CLIC1: variants seen among roughly 807,000 people sequenced by gnomAD.
The protein encoded by CLIC1 is CLIC family member 1, also known as chloride intracellular channel protein 1.
Under a neutral mutation model 26.4 loss-of-function variants are expected in CLIC1, and 16 were observed. The ratio of observed to expected loss-of-function variants is 0.61; its 90% CI spans 0.41 to 0.92. The LOEUF is 0.92. Among genes scored for constraint, CLIC1 ranks in the 40% least tolerant of loss-of-function variants. The probability of loss-of-function intolerance (pLI) is 0.00; values close to 1 mark genes in which losing one functional copy is unlikely to be tolerated. For missense variants in CLIC1, 225 were observed against 289.7 expected, an observed-to-expected ratio of 0.78 and a Z score of 1.62; for synonymous variants, 98 against 120.8, an observed-to-expected ratio of 0.81 and a Z score of 1.24.
chr6:31,736,695 C>T (rs1187187789), upstream of CLIC1: 44 of 1,059,124 alleles, frequency 4.2e-5, no homozygotes, highest in Non-Finnish European at 4.8e-5. This position sits in a 1 kb window ranked among gnomAD's most constrained non-coding sequence, Gnocchi z 5.0. Context: ...CTTGTTTCTC[C>T]GACCTCTCCT....
In CLIC1 at chr6:31,733,997, G is replaced by A. The variant is rs1039750980; in HGVS notation, c.150-36C>T. 2 of 1,605,912 alleles carry A rather than the reference G, an allele frequency of 1.2e-6. No individual in the cohort carries two copies. The highest frequency in any genetic ancestry group is 2.2e-5 in the South Asian group (2 of 90,964). On this transcript the variant is annotated intron_variant, in intron 2 of 5. Coordinates refer to ENST00000375784, the Ensembl canonical transcript of CLIC1. The surrounding 1 kb of genome is among the most constrained non-coding windows in gnomAD (Gnocchi z 5.4). ...GATCAGGAATCAGGACTGGAAATGG[G>A]GGTCAGGAAGAACCAGAAAGGGGGA...
At chr6:31,736,626 A>C (rs1333030903), upstream of CLIC1, 3 of 1,220,256 alleles carry the variant, frequency 2.5e-6, no homozygotes, top group Non-Finnish European at 3.1e-6. This position sits in a 1 kb window ranked among gnomAD's most constrained non-coding sequence, Gnocchi z 5.0. Context: ...CGGAAGGGGA[A>C]TCCTCGGATC....
At chr6:31,735,205 G>A (rs185019730) in intron 1 of CLIC1, among the ~76,000 whole-genome samples, 2 of 151,606 alleles carry the variant, frequency 1.3e-5, no homozygotes, top group East Asian at 1.9e-4. Context: ...GAAACAAAAG[G>A]GGGGAAGGGG....
At chr6:31,735,849 A>ACACACC (rs758789973) in intron 1 of CLIC1, among the ~76,000 whole-genome samples, 1 of 141,702 alleles carries the variant, frequency 7.1e-6, no homozygotes, top group Admixed American at 7.1e-5. Context: ...ACACACACAC[A>ACACACC]CCTCTCCTAC....
chr6:31,732,784 G>A lies in CLIC1; in HGVS notation c.383-386C>T, dbSNP rs2151316435. ...TCTCCAACTCCTAACCTCAGGTGGT[G>A]CGCTAGCCTCGGCCTCCCAAAGTGA... On this transcript the variant is annotated intron_variant, in intron 4 of 5. Coordinates refer to ENST00000375784, the Ensembl canonical transcript of CLIC1. This position sits in a 1 kb window ranked among gnomAD's most constrained non-coding sequence, Gnocchi z 5.0. Among the ~76,000 whole-genome samples the A allele has an allele frequency of 1.3e-5, 2 of 151,840 alleles. No homozygotes were observed. Among genetic ancestry groups the A allele is most frequent in the South Asian group, 4.2e-4 (2 of 4,788 alleles).
chr6:31,733,426 A>C lies in CLIC1; in HGVS notation c.382+140T>G. ...TGCAGGGAAATATAGAGGTAAAGCA[A>C]AAATGGGAAGCTGGGGGAAATTTAC... On this transcript the variant is annotated intron_variant, in intron 4 of 5. Coordinates refer to ENST00000375784, the Ensembl canonical transcript of CLIC1. The surrounding 1 kb of genome is among the most constrained non-coding windows in gnomAD (Gnocchi z 5.4). 1.5e-6 allele frequency: 1 copy of C among 653,550 alleles called. No homozygotes were observed. The highest frequency in any genetic ancestry group is 2.7e-6 in the Non-Finnish European group (1 of 367,884). The allele number at this position is 653,550 out of a possible 1,614,324, so 40.5% of individuals were successfully genotyped here.
At position 31,734,094 on chromosome 6, in the gene CLIC1, G is replaced by T. The variant is rs949599512; in HGVS notation, c.149+60C>A. On this transcript the variant is annotated intron_variant, in intron 2 of 5. Coordinates refer to ENST00000375784, the Ensembl canonical transcript of CLIC1. The surrounding 1 kb of genome is among the most constrained non-coding windows in gnomAD (Gnocchi z 5.3). ...TGTTCATGACAGAAGGACTCGGGTG[G>T]GTGTGTGTTTGCACACATGTGTACA... 4 of 1,575,214 alleles carry T rather than the reference G, an allele frequency of 2.5e-6. No homozygotes were observed. The highest frequency in any genetic ancestry group is 2.7e-5 in the African/African-American group (2 of 74,144).
Position 31,736,190 on chromosome 6 carries a change from AAGG to A in CLIC1, c.39+69_39+71del. 1 of 1,525,712 alleles carries A rather than the reference AAGG, an allele frequency of 6.6e-7. No homozygotes were observed. The highest frequency in any genetic ancestry group is 9.1e-7 in the Non-Finnish European group (1 of 1,100,942). 94.5% of individuals were successfully genotyped at this position (1,525,712 alleles called of 1,614,324 possible). ...CAAGGAGGGAAGGGATTGGGGAGTT[AAGG>A]CTGGACCGGGGGAAAGGTGAGAGTT... is the stretch of plus-strand genomic sequence containing the variant. On this transcript the variant is annotated intron_variant, in intron 1 of 5. Coordinates refer to ENST00000375784, the Ensembl canonical transcript of CLIC1. The surrounding 1 kb of genome is among the most constrained non-coding windows in gnomAD (Gnocchi z 5.0).
Position 31,736,535 on chromosome 6 carries a change from G to T in CLIC1, c.-235C>A. 7.3e-7 allele frequency: 1 copy of T among 1,366,914 alleles called. No individual in the cohort carries two copies. Among genetic ancestry groups the T allele is most frequent in the Non-Finnish European group, 9.4e-7 (1 of 1,058,884 alleles). 84.7% of individuals were successfully genotyped at this position (1,366,914 alleles called of 1,614,324 possible). The stretch of plus-strand genomic sequence containing the variant: ...CTCTCCCGGGCTGGATCAGAGAGCC[G>T]CTGACTCACCGACCGGCCCCGCCCT... On this transcript the variant is annotated 5_prime_UTR_variant, in exon 1 of 6. Transcript: ENST00000375784. This position sits in a 1 kb window ranked among gnomAD's most constrained non-coding sequence, Gnocchi z 5.0.
Position 31,736,173 on chromosome 6 carries a change from G to T in CLIC1, c.39+89C>A. 7.3e-7 allele frequency: 1 copy of T among 1,375,208 alleles called. No individual in the cohort carries two copies. The highest frequency in any genetic ancestry group is 1.0e-6 in the Non-Finnish European group (1 of 965,558). 85.2% of individuals were successfully genotyped at this position (1,375,208 alleles called of 1,614,324 possible). A position where few individuals can be genotyped will look rare whatever the true frequency, so the allele number is the denominator to read the frequency against. ...GGATTGGGGGTGGGAGTCAAGGAGG[G>T]AAGGGATTGGGGAGTTAAGGCTGGA... On this transcript the variant is annotated intron_variant, in intron 1 of 5. Coordinates refer to ENST00000375784, the Ensembl canonical transcript of CLIC1. The surrounding 1 kb of genome is among the most constrained non-coding windows in gnomAD (Gnocchi z 5.0).
At position 31,733,948 on chromosome 6, in the gene CLIC1, C is replaced by T; in HGVS notation, c.163G>A (p.Val55Met). Residue 55 changes from valine (V) to methionine (M), a missense_variant, in exon 3 of 6, where the codon GTG becomes ATG. Val to Met is a conservative substitution (Grantham distance 21). Transcript: ENST00000375784. This position sits in a 1 kb window ranked among gnomAD's most constrained non-coding sequence, Gnocchi z 5.4. ...TGCCCCCCTGGGCACAGCTTCTGCA[C>T]TGTCTCGGTCCGCCTGGAGAAAGGA... 6.2e-7 allele frequency: 1 copy of T among 1,613,066 alleles called. No individual in the cohort carries two copies. Among genetic ancestry groups the T allele is most frequent in the Non-Finnish European group, 8.5e-7 (1 of 1,179,384 alleles).
Position 31,733,557 on chromosome 6 carries a change from A to C in CLIC1, c.382+9T>G. ...CCCAGGACCCAGGCCTCTGACCCAC[A>C]AGACTCACTGTCATTGAGTGCTGGG... On this transcript the variant is annotated intron_variant, in intron 4 of 5. Transcript: ENST00000375784. This position sits in a 1 kb window ranked among gnomAD's most constrained non-coding sequence, Gnocchi z 5.4. 8.1e-6 allele frequency: 13 copies of C among 1,609,438 alleles called. No homozygotes were observed. Among genetic ancestry groups the C allele is most frequent in the Non-Finnish European group, 1.0e-5 (12 of 1,177,172 alleles).
In CLIC1 at chr6:31,734,016, AG is replaced by A. The variant is rs952827916; in HGVS notation, c.150-56del. On this transcript the variant is annotated intron_variant, in intron 2 of 5. Coordinates refer to ENST00000375784, the Ensembl canonical transcript of CLIC1. This position sits in a 1 kb window ranked among gnomAD's most constrained non-coding sequence, Gnocchi z 5.3. ...AAATGGGGGTCAGGAAGAACCAGAA[AG>A]GGGGAATGGAGGACGTGGGATAAGA... 25 of 1,603,348 alleles carry A rather than the reference AG, an allele frequency of 1.6e-5. No homozygotes were observed. The highest frequency in any genetic ancestry group is 1.8e-5 in the Non-Finnish European group (21 of 1,173,280).
At chr6:31,735,933 G>C (rs1189526823) in intron 1 of CLIC1, among the ~76,000 whole-genome samples, 1 of 151,476 alleles carries the variant, frequency 6.6e-6, no homozygotes, top group African/African-American at 2.4e-5. Context: ...TCTAAACCCT[G>C]CTGGGCCCCC....
At position 31,736,011 on chromosome 6, in the gene CLIC1, C is replaced by T. The variant is rs181732975; in HGVS notation, c.39+251G>A. Among the ~76,000 whole-genome samples the T allele has an allele frequency of 8.5e-4, 129 of 152,264 alleles. No individual in the cohort carries two copies. Among genetic ancestry groups the T allele is most frequent in the African/African-American group, 3.0e-3 (125 of 41,530 alleles). ...CACTTTTGGGAATTCTCCTTTTTCT[C>T]CACTTCCCTTCCTTTAGTCTGCTAG... is the stretch of plus-strand genomic sequence containing the variant. On this transcript the variant is annotated intron_variant, in intron 1 of 5. Coordinates refer to ENST00000375784, the Ensembl canonical transcript of CLIC1. This position sits in a 1 kb window ranked among gnomAD's most constrained non-coding sequence, Gnocchi z 5.0.
In CLIC1 at chr6:31,732,569, G is replaced by A. The variant is rs1465089332; in HGVS notation, c.383-171C>T. Among the ~76,000 whole-genome samples, 3 of 151,968 alleles carry A rather than the reference G, an allele frequency of 2.0e-5. No individual in the cohort carries two copies. Among genetic ancestry groups the A allele is most frequent in the African/African-American group, 2.4e-5 (1 of 41,380 alleles). ...CTTTACATTTTATTTTATGTTAGACGGAGTCTTGCTCCGTTGCCCAGGCTG... is the reference window on the plus strand; with the variant it reads ...CTTTACATTTTATTTTATGTTAGACAGAGTCTTGCTCCGTTGCCCAGGCTG... On this transcript the variant is annotated intron_variant, in intron 4 of 5. Transcript: ENST00000375784. The surrounding 1 kb of genome is among the most constrained non-coding windows in gnomAD (Gnocchi z 5.0).
At position 31,733,930 on chromosome 6, in the gene CLIC1, C is replaced by A. The variant is rs1808158522; in HGVS notation, c.181G>T (p.Gly61Trp). Residue 61 changes from glycine to tryptophan, a missense_variant, in exon 3 of 6, where the codon GGG (glycine) becomes TGG (tryptophan). Physicochemically the swap from Gly to Trp is radical, Grantham distance 184. Transcript: ENST00000375784. This position sits in a 1 kb window ranked among gnomAD's most constrained non-coding sequence, Gnocchi z 5.4. ...TACAGCAGGAATGGGAGCTGCCCCC[C>A]TGGGCACAGCTTCTGCACTGTCTCG... 2 of 1,613,950 alleles carry A rather than the reference C, an allele frequency of 1.2e-6. No homozygotes were observed. Among genetic ancestry groups the A allele is most frequent in the East Asian group, 4.5e-5 (2 of 44,882 alleles).
chr6:31,731,067 T>C, intron 5 of CLIC1, 64 bp from the exon 6 acceptor site: 3 of 1,465,056 alleles, frequency 2.0e-6, no homozygotes, highest in East Asian at 2.4e-5. Flanking sequence ...TGGCTTTCCC[T>C]TCTCCCCAGG....
In CLIC1 at chr6:31,734,060, G is replaced by C; in HGVS notation, c.149+94C>G. On this transcript the variant is annotated intron_variant, in intron 2 of 5. Coordinates refer to ENST00000375784, the Ensembl canonical transcript of CLIC1. The surrounding 1 kb of genome is among the most constrained non-coding windows in gnomAD (Gnocchi z 5.3). ...GGATAAGAAAGGGACTCCAGGGGGA[G>C]GGCAAAAATGTTCATGACAGAAGGA... 6.3e-7 allele frequency: 1 copy of C among 1,586,564 alleles called. No homozygotes were observed. Among genetic ancestry groups the C allele is most frequent in the Non-Finnish European group, 8.6e-7 (1 of 1,157,412 alleles).
Sources: gnomAD v4.1 joint callset for allele counts (sites outside exome capture counted in the v4.1 genomes callset) on GRCh38, gnomAD v4.1.1 for gene constraint, Gnocchi (gnomAD v3.1) non-coding constraint, MANE v1.5 for transcripts, NCBI Gene and HGNC (gene_info 2026-07-23, HGNC 2026-07-21) for gene names.